CNTNAP2: variants seen among roughly 807,000 people sequenced by gnomAD.
The protein encoded by CNTNAP2 is contactin associated protein 2, also known as contactin-associated protein-like 2.
A neutral mutation model predicts 155.2 loss-of-function variants in CNTNAP2; 98 were observed. The observed-to-expected ratio is 0.63, with a 90% CI of 0.54 to 0.75. The LOEUF (loss-of-function observed/expected upper bound fraction) is 0.75. CNTNAP2 is among the 30% of genes least tolerant of loss of function. The pLI is 0.00. For synonymous variants in CNTNAP2, 651 were observed against 631.2 expected, an observed-to-expected ratio of 1.03 and a Z score of -0.47; for missense variants, 1,727 against 1,688.1, an observed-to-expected ratio of 1.02 and a Z score of -0.40.
chr7:147,026,476 G>A (rs984767551), intron 3 of CNTNAP2, among the ~76,000 whole-genome samples: 5 of 151,754 alleles, frequency 3.3e-5, no homozygotes, highest in Non-Finnish European at 7.4e-5. Flanking sequence ...AATATAAAAT[G>A]TTTTAGAATT....
At chr7:147,420,682 A>T (rs1385997766) in intron 10 of CNTNAP2, among the ~76,000 whole-genome samples, 1 of 152,238 alleles carries the variant, frequency 6.6e-6, no homozygotes, top group Non-Finnish European at 1.5e-5. Context: ...TTTTAAAGAA[A>T]TTATGAAATA....
chr7:147,613,198 A>C (rs1415218183), intron 12 of CNTNAP2, among the ~76,000 whole-genome samples: 1 of 152,228 alleles, frequency 6.6e-6, no homozygotes, highest in Non-Finnish European at 1.5e-5. Flanking sequence ...AACATAAAAT[A>C]AAACCTCATT....
chr7:146,465,767 C>T (rs1274479663), intron 1 of CNTNAP2, among the ~76,000 whole-genome samples: 2 of 152,042 alleles, frequency 1.3e-5, no homozygotes, highest in South Asian at 2.1e-4. Flanking sequence ...AACATATTTT[C>T]GTAGTCCAGA....
chr7:146,406,893 T>C (rs762952181), intron 1 of CNTNAP2, among the ~76,000 whole-genome samples: 2 of 152,244 alleles, frequency 1.3e-5, no homozygotes, highest in African/African-American at 2.4e-5. Flanking sequence ...CTCATCATTC[T>C]AGTGTGTGTT....
At chr7:147,921,226 A>G (rs6973506) in intron 14 of CNTNAP2, among the ~76,000 whole-genome samples, 4,659 of 152,172 alleles carry the variant, frequency 0.031, 255 homozygotes, top group African/African-American at 0.11. Flanking sequence ...GAGCTTTCCC[A>G]TTGTAACAGC....
At chr7:146,174,364 G>A (rs968369085) in intron 1 of CNTNAP2, among the ~76,000 whole-genome samples, 1 of 152,064 alleles carries the variant, frequency 6.6e-6, no homozygotes, top group African/African-American at 2.4e-5. Flanking sequence ...CTATAGGCCA[G>A]GAGCAGTGGC....
intron 21 of CNTNAP2, among the ~76,000 whole-genome samples, chr7:148,366,296 A>G (rs546870678): frequency 2.6e-5 from 3 of 114,734 alleles, no homozygotes; most frequent in Non-Finnish European, 5.9e-5. Context: ...GTGTACATGT[A>G]TATATGTATG....
chr7:146,976,938 T>G (rs1797923049), intron 3 of CNTNAP2, among the ~76,000 whole-genome samples: 1 of 152,126 alleles, frequency 6.6e-6, no homozygotes, highest in Admixed American at 6.6e-5. Flanking sequence ...ATCAGAGAAT[T>G]TCTTTGTAGC....
intron 12 of CNTNAP2, among the ~76,000 whole-genome samples, chr7:147,589,844 G>A (rs957505566): frequency 2.6e-5 from 4 of 152,136 alleles, no homozygotes; most frequent in East Asian, 3.9e-4. Context: ...CAGTTATTCA[G>A]TTTCAGAAAT....
intron 8 of CNTNAP2, among the ~76,000 whole-genome samples, chr7:147,175,685 C>A (rs961587747): frequency 1.3e-5 from 2 of 152,098 alleles, no homozygotes; most frequent in African/African-American, 4.8e-5. Context: ...GAGTATGCAG[C>A]CACAATACCT....
intron 1 of CNTNAP2, among the ~76,000 whole-genome samples, chr7:146,410,275 T>A (rs772566250): frequency 5.9e-5 from 9 of 152,346 alleles, no homozygotes; most frequent in Non-Finnish European, 8.8e-5. Context: ...TACCCAATTG[T>A]GTACCCTTGT....
In CNTNAP2 at chr7:147,817,080, A is replaced by G. The variant is rs571349827; in HGVS notation, c.2099-86485A>G. On this transcript the variant is annotated intron_variant, in intron 13 of 23. Transcript: ENST00000361727. ...GAAGCAGTTAAATGACACCACAATG[A>G]AACAAACAGAGAAATCCAGAATGAA... Among the ~76,000 whole-genome samples the G allele has an allele frequency of 1.6e-4, 24 of 152,336 alleles. No individual in the cohort carries two copies. The South Asian group carries it at 4.4e-3, about 28-fold the overall frequency.
At chr7:146,124,302 T>C (rs1797604629) in intron 1 of CNTNAP2, among the ~76,000 whole-genome samples, 1 of 152,192 alleles carries the variant, frequency 6.6e-6, no homozygotes, top group Non-Finnish European at 1.5e-5. Flanking sequence ...AGTAGTTATT[T>C]TGAACTAACA....
At chr7:147,598,264 A>C (rs2116855357) in intron 12 of CNTNAP2, among the ~76,000 whole-genome samples, 1 of 151,394 alleles carries the variant, frequency 6.6e-6, no homozygotes, top group South Asian at 2.1e-4. Context: ...TGTTGTACCT[A>C]TCAACTCGTC....
chr7:148,031,430 A>T (rs1802474517), intron 15 of CNTNAP2, among the ~76,000 whole-genome samples: 1 of 152,210 alleles, frequency 6.6e-6, no homozygotes, highest in African/African-American at 2.4e-5. Context: ...GATAATGCTG[A>T]AGTCTTGTTT....
At chr7:148,115,376 C>G (rs532714632) in intron 15 of CNTNAP2, among the ~76,000 whole-genome samples, 1 of 152,156 alleles carries the variant, frequency 6.6e-6, no homozygotes, top group Non-Finnish European at 1.5e-5. Flanking sequence ...TAAGAAGGTA[C>G]TTGATTGGAT....
intron 3 of CNTNAP2, among the ~76,000 whole-genome samples, chr7:147,009,282 A>AT (rs1382618210): frequency 6.6e-6 from 1 of 152,076 alleles, no homozygotes; most frequent in Non-Finnish European, 1.5e-5. Flanking sequence ...TAATCATCCG[A>AT]TTTTTCCCCA....
chr7:146,721,967 C>A (rs1220166096), intron 1 of CNTNAP2, among the ~76,000 whole-genome samples: 1 of 145,326 alleles, frequency 6.9e-6, no homozygotes. Flanking sequence ...CAGCTCACTG[C>A]AACCTCCACC....
chr7:147,322,826 G>T (rs916588420), intron 9 of CNTNAP2, among the ~76,000 whole-genome samples: 4 of 135,636 alleles, frequency 2.9e-5, no homozygotes, highest in East Asian at 4.6e-4. Context: ...GTCCAGGAAT[G>T]TATCCATTTC....
Sources: gnomAD v4.1 joint callset for allele counts (sites outside exome capture counted in the v4.1 genomes callset) on GRCh38, gnomAD v4.1.1 for gene constraint, MANE v1.5 for transcripts, NCBI Gene and HGNC (gene_info 2026-07-23, HGNC 2026-07-21) for gene names.